ZNF653: variants seen among roughly 807,000 people sequenced by gnomAD.
ZNF653 encodes the protein zinc finger protein 653.
In ZNF653, 37 loss-of-function variants were observed where a neutral mutation model predicts 59.9. The ratio of observed to expected loss-of-function variants is 0.62; its 90% CI spans 0.48 to 0.81. The LOEUF (loss-of-function observed/expected upper bound fraction) is 0.81. Among genes scored for constraint, ZNF653 ranks in the 40% least tolerant of loss-of-function variants. The pLI is 0.00. For missense variants in ZNF653, 808 were observed against 881.1 expected (o/e 0.92, Z 1.05); for synonymous variants, 435 against 371.8 (o/e 1.17, Z -1.96).
At chr19:11,493,648 T>C (rs1480319598) in intron 3 of ZNF653, among the ~76,000 whole-genome samples, 1 of 152,090 alleles carries the variant, frequency 6.6e-6, no homozygotes, top group Non-Finnish European at 1.5e-5. Context: ...AGAGCACGCG[T>C]CTGGGTCCAC....
chr19:11,487,697 C>G lies in ZNF653; in HGVS notation c.766G>C (p.Glu256Gln), dbSNP rs375905512. Residue 256 changes from glutamate to glutamine, a missense_variant, in exon 4 of 9, where the codon GAG becomes CAG. Physicochemically the swap from Glu to Gln is conservative, Grantham distance 29. Coordinates refer to ENST00000293771, the MANE Select transcript of ZNF653 (RefSeq NM_138783.4). This position sits in a 1 kb window ranked among gnomAD's most constrained non-coding sequence, Gnocchi z 5.1. Reference protein sequence around the residue: ...FDVHHVESLAEQGTPLCSNPA... With the variant: ...FDVHHVESLAQQGTPLCSNPA... ...TTGGAGCACAGCGGGGTACCCTGCT[C>G]GGCCAGGCTTTCCACGTGGTGGACG... 9 of 1,613,684 alleles carry G rather than the reference C, an allele frequency of 5.6e-6. No individual in the cohort carries two copies. Among genetic ancestry groups the G allele is most frequent in the African/African-American group, 5.3e-5 (4 of 74,952 alleles).
intron 7 of ZNF653, among the ~76,000 whole-genome samples, chr19:11,484,391 G>A (rs1971443038): frequency 1.3e-5 from 2 of 152,004 alleles, no homozygotes; most frequent in South Asian, 4.2e-4. Context: ...GTCTGAATTT[G>A]TCTTGTGTGT....
rs191253548 is a variant in ZNF653 at position 11,495,963 on chromosome 19, A to G, written c.546T>C (p.Pro182=). 2.5e-6 allele frequency: 4 copies of G among 1,614,054 alleles called. No homozygotes were observed. Among genetic ancestry groups the G allele is most frequent in the Non-Finnish European group, 2.5e-6 (3 of 1,179,986 alleles). The change falls in exon 3 of 9, where the codon CCT becomes CCC. Residue 182 remains proline, a synonymous_variant. Transcript: ENST00000293771. This position sits in a 1 kb window ranked among gnomAD's most constrained non-coding sequence, Gnocchi z 4.9. ...CTGCAGACCTACCTTTGTCACTGTCAGGGTCTGAGTCGCTGAGGGGCTTCA... is the reference window on the plus strand; with the variant it reads ...CTGCAGACCTACCTTTGTCACTGTCGGGGTCTGAGTCGCTGAGGGGCTTCA... ...SPLKPLSDSD[P]DSDKVGNGLV... is the part of the protein sequence containing the mutation.
chr19:11,492,837 C>T (rs1971543202), intron 3 of ZNF653, among the ~76,000 whole-genome samples: 1 of 152,202 alleles, frequency 6.6e-6, no homozygotes, highest in Non-Finnish European at 1.5e-5. Context: ...CCTCTGCCTC[C>T]CGGGTTCAAG....
chr19:11,502,523 C>T (rs970645471), intron 1 of ZNF653, among the ~76,000 whole-genome samples: 1 of 152,188 alleles, frequency 6.6e-6, no homozygotes, highest in South Asian at 2.1e-4. Context: ...AAGCCACACA[C>T]ATCCTAGAGA....
At chr19:11,486,202 G>A (rs547341635) in intron 6 of ZNF653, among the ~76,000 whole-genome samples, 28 of 152,168 alleles carry the variant, frequency 1.8e-4, no homozygotes, top group Non-Finnish European at 3.4e-4. Flanking sequence ...CTCGTGATCC[G>A]CCCACCTCGG....
intron 2 of ZNF653, 103 bp from the exon 3 acceptor site, chr19:11,496,268 G>A (rs1265324937): frequency 1.3e-4 from 152 of 1,179,540 alleles, no homozygotes; most frequent in African/African-American, 1.5e-5. Flanking sequence ...TGGGTTTGGA[G>A]GCCCTCCTGA....
Position 11,505,754 on chromosome 19 carries a change from C to T in ZNF653, c.33G>A (p.Glu11=), listed in dbSNP as rs1445282180. 2.8e-6 allele frequency: 4 copies of T among 1,438,766 alleles called. No individual in the cohort carries two copies. Among genetic ancestry groups the T allele is most frequent in the Non-Finnish European group, 3.6e-6 (4 of 1,106,480 alleles). 89.1% of individuals were successfully genotyped at this position (1,438,766 alleles called of 1,614,324 possible). A position where few individuals can be genotyped will look rare whatever the true frequency, so the allele number is the denominator to read the frequency against. The change falls in exon 1 of 9, where the codon GAG becomes GAA. Residue 11 remains glutamate, a synonymous_variant. Transcript: ENST00000293771. ...CGCCCGCGCCCGCCTCAGCCTCCGC[C>T]TCCGCCTCGGGCTCTAGCGCCCGCT... MAERALEPEA[E]AEAEAGAGGE...
Position 11,484,031 on chromosome 19 carries a change from C to G in ZNF653, c.1670+11G>C. On this transcript the variant is annotated intron_variant, in intron 8 of 8. Transcript: ENST00000293771. ...CAATCCTCTAGCGGCACGGGGCGGCCTGTCACTCACTGCAGGGGGGTCTCG... is the reference window on the plus strand; with the variant it reads ...CAATCCTCTAGCGGCACGGGGCGGCGTGTCACTCACTGCAGGGGGGTCTCG... 6.4e-7 allele frequency: 1 copy of G among 1,552,936 alleles called. No homozygotes were observed. Among genetic ancestry groups the G allele is most frequent in the Non-Finnish European group, 8.7e-7 (1 of 1,148,266 alleles).
At position 11,483,537 on chromosome 19, in the gene ZNF653, C is replaced by T; in HGVS notation, c.*145G>A. ...CGGTGGGGCGGGGTGGGGAACCTGC[C>T]CAGGGGGCCCAGCTCTGGGGCGGGG... On this transcript the variant is annotated 3_prime_UTR_variant, in exon 9 of 9. Coordinates refer to ENST00000293771, the MANE Select transcript of ZNF653 (RefSeq NM_138783.4). 1 of 1,407,844 alleles carries T rather than the reference C, an allele frequency of 7.1e-7. No individual in the cohort carries two copies. Among genetic ancestry groups the T allele is most frequent in the South Asian group, 1.6e-5 (1 of 64,218 alleles). 87.2% of individuals were successfully genotyped at this position (1,407,844 alleles called of 1,614,324 possible). A position where few individuals can be genotyped will look rare whatever the true frequency, so the allele number is the denominator to read the frequency against.
chr19:11,490,514 G>A (rs1971519421), intron 3 of ZNF653, among the ~76,000 whole-genome samples: 1 of 152,012 alleles, frequency 6.6e-6, no homozygotes. Context: ...AGCCTCCTGA[G>A]TAGCTGGGAC....
rs781129974 is a variant in ZNF653 at position 11,487,758 on chromosome 19, C to T, written c.705G>A (p.Gly235=). Residue 235 remains glycine, a synonymous_variant, in exon 4 of 9, where the codon GGG becomes GGA. Coordinates refer to ENST00000293771, the MANE Select transcript of ZNF653 (RefSeq NM_138783.4). The surrounding 1 kb of genome is among the most constrained non-coding windows in gnomAD (Gnocchi z 5.1). ...TGTGCACGCCCTCCTGAGTGATGAG[C>T]CCGCTGCTGCCCACCGGGCTGGTGG... The part of the protein sequence containing the change: ...ATPTSPVGSS[G]LITQEGVHIP... 6.2e-7 allele frequency: 1 copy of T among 1,613,050 alleles called. No homozygotes were observed. Among genetic ancestry groups the T allele is most frequent in the East Asian group, 2.2e-5 (1 of 44,834 alleles).
At position 11,496,065 on chromosome 19, in the gene ZNF653, G is replaced by A. The variant is rs773230553; in HGVS notation, c.444C>T (p.Pro148=). The part of the protein sequence containing the change: ...PYEPHLAELD[P]TFGLYTTAVW... Reference sequence around the variant, plus strand: ...CGGCCGTGGTGTACAGGCCAAAAGTGGGGTCTAGCTCCGCCAGGTGCGGCT... The same window carrying A: ...CGGCCGTGGTGTACAGGCCAAAAGTAGGGTCTAGCTCCGCCAGGTGCGGCT... Residue 148 remains proline (P), a synonymous_variant, in exon 3 of 9, where the codon CCC becomes CCT. Transcript: ENST00000293771. The A allele has an allele frequency of 1.2e-5, 19 of 1,614,070 alleles. No individual in the cohort carries two copies. The highest frequency in any genetic ancestry group is 1.1e-4 in the East Asian group (5 of 44,894).
Position 11,505,493 on chromosome 19 carries a change from G to A in ZNF653, c.294C>T (p.Arg98=). The A allele has an allele frequency of 1.3e-6, 2 of 1,486,582 alleles. No individual in the cohort carries two copies. The highest frequency in any genetic ancestry group is 1.8e-6 in the Non-Finnish European group (2 of 1,130,920). The allele number at this position is 1,486,582 out of a possible 1,614,324, so 92.1% of individuals were successfully genotyped here. A position where few individuals can be genotyped will look rare whatever the true frequency, so the allele number is the denominator to read the frequency against. ...ISLERGQRSG[R]HGKPWEQVPK... ...TCGGGGCCAGGCCCCCTCACCCGTG[G>A]CGGCCGCTCCGCTGGCCGCGCTCCA... The change falls in exon 1 of 9, where the codon CGC becomes CGT. Residue 98 remains arginine, a synonymous_variant. Transcript: ENST00000293771.
In ZNF653 at chr19:11,486,798, G is replaced by C. The variant is rs779329321; in HGVS notation, c.1426C>G (p.Gln476Glu). Reference sequence around the variant, plus strand: ...AAGCTGCTGAGGGCCACGTAGACTTGGCTGCAGCCCTCGTATGGGCAGTGG... The same window carrying C: ...AAGCTGCTGAGGGCCACGTAGACTTCGCTGCAGCCCTCGTATGGGCAGTGG... Reference protein sequence around the residue: ...MFHCPYEGCSQVYVALSSFQN... With the variant: ...MFHCPYEGCSEVYVALSSFQN... Residue 476 changes from glutamine (Q) to glutamate (E), a missense_variant, in exon 6 of 9, where the codon CAA (glutamine) becomes GAA (glutamate). Coordinates refer to ENST00000293771, the MANE Select transcript of ZNF653 (RefSeq NM_138783.4). 6.2e-7 allele frequency: 1 copy of C among 1,610,862 alleles called. No individual in the cohort carries two copies. The highest frequency in any genetic ancestry group is 1.3e-5 in the African/African-American group (1 of 74,980).
chr19:11,486,727 C>T, intron 6 of ZNF653, 42 bp downstream of exon 6: 2 of 1,519,730 alleles, frequency 1.3e-6, no homozygotes, highest in Middle Eastern at 1.8e-4. Flanking sequence ...ATGGCCTGGG[C>T]CTTGTGGGCC....
At position 11,487,169 on chromosome 19, in the gene ZNF653, G is replaced by T; in HGVS notation, c.1172-11C>A. 1 of 1,609,820 alleles carries T rather than the reference G, an allele frequency of 6.2e-7. No individual in the cohort carries two copies. The highest frequency in any genetic ancestry group is 8.5e-7 in the Non-Finnish European group (1 of 1,179,638). Reference sequence around the variant, plus strand: ...ACAGGTCCTCCTTCTCTACAGGGTGGACACAGGGTGGTGTCCGCAGGGGAC... The same window carrying T: ...ACAGGTCCTCCTTCTCTACAGGGTGTACACAGGGTGGTGTCCGCAGGGGAC... On this transcript the variant is annotated splice_polypyrimidine_tract_variant and intron_variant, in intron 4 of 8. Transcript: ENST00000293771. The surrounding 1 kb of genome is among the most constrained non-coding windows in gnomAD (Gnocchi z 5.1).
chr19:11,504,806 T>C (rs1162043865), intron 1 of ZNF653: 3 of 152,486 alleles, frequency 2.0e-5, no homozygotes, highest in African/African-American at 7.2e-5. Flanking sequence ...CATCAACATA[T>C]AAGGCAGGAA....
Position 11,487,245 on chromosome 19 carries a change from C to T in ZNF653, c.1171+47G>A. 1 of 1,599,828 alleles carries T rather than the reference C, an allele frequency of 6.3e-7. No individual in the cohort carries two copies. The highest frequency in any genetic ancestry group is 8.5e-7 in the Non-Finnish European group (1 of 1,172,352). The stretch of plus-strand genomic sequence containing the variant: ...AGGGCCATTCCTCGCCCGGCCCCTC[C>T]CAGGCCCAACCACCCCTGGCCAGAG... On this transcript the variant is annotated intron_variant, in intron 4 of 8. Transcript: ENST00000293771. The surrounding 1 kb of genome is among the most constrained non-coding windows in gnomAD (Gnocchi z 5.1).
Sources: gnomAD v4.1 joint callset for allele counts (sites outside exome capture counted in the v4.1 genomes callset) on GRCh38, gnomAD v4.1.1 for gene constraint, Gnocchi (gnomAD v3.1) non-coding constraint, MANE v1.5 for transcripts, NCBI Gene and HGNC (gene_info 2026-07-23, HGNC 2026-07-21) for gene names.